NRXN3: variants seen among roughly 807,000 people sequenced by gnomAD.
NRXN3 encodes neurexin 3, also known as neurexin III.
A neutral mutation model predicts 137.6 loss-of-function variants in NRXN3; 32 were observed. The observed-to-expected ratio is 0.23, with a 90% confidence interval of 0.18 to 0.31. NRXN3 has a LOEUF of 0.31. Ranked by LOEUF, NRXN3 falls within the 10% of genes least tolerant of loss-of-function variation. NRXN3 has a pLI of 1.00. For synonymous variants in NRXN3, 798 were observed against 784.5 expected (o/e 1.02, Z -0.29); for missense variants, 1,574 against 2,062.5 (o/e 0.76, Z 4.59).
chr14:78,524,767 C>T (rs762946104), intron 4 of NRXN3, among the ~76,000 whole-genome samples: 1 of 152,090 alleles, frequency 6.6e-6, no homozygotes, highest in Admixed American at 6.5e-5. Context: ...TATTAAGCTC[C>T]CTTTTCAAAA....
intron 1 of NRXN3, among the ~76,000 whole-genome samples, chr14:78,229,478 G>A (rs1040749717): frequency 3.9e-5 from 6 of 152,054 alleles, no homozygotes; most frequent in African/African-American, 4.8e-5. Context: ...TTGGGCTGGC[G>A]ATCTTCACTG....
intron 15 of NRXN3, among the ~76,000 whole-genome samples, chr14:79,354,849 C>A (rs1029341152): frequency 6.6e-6 from 1 of 152,114 alleles, no homozygotes; most frequent in Admixed American, 6.5e-5. Flanking sequence ...TTGCTAAGTG[C>A]CAGAGCTGTA....
At chr14:79,220,840 G>A (rs934716968) in intron 15 of NRXN3, among the ~76,000 whole-genome samples, 1 of 151,928 alleles carries the variant, frequency 6.6e-6, no homozygotes, top group Non-Finnish European at 1.5e-5. Flanking sequence ...GTGCCATGGT[G>A]GTTTGCTGCA....
chr14:78,323,553 C>G (rs935152091), intron 4 of NRXN3, among the ~76,000 whole-genome samples: 1 of 151,992 alleles, frequency 6.6e-6, no homozygotes, highest in Non-Finnish European at 1.5e-5. Flanking sequence ...TTACTATAAA[C>G]AGCATCATCA....
intron 19 of NRXN3, among the ~76,000 whole-genome samples, chr14:79,698,295 T>C (rs868658370): frequency 4.6e-5 from 7 of 152,030 alleles, no homozygotes; most frequent in African/African-American, 1.2e-4. Flanking sequence ...TGTTATCATA[T>C]GAAAAGCTAT....
At chr14:79,379,095 A>G (rs557911391) in intron 15 of NRXN3, among the ~76,000 whole-genome samples, 42 of 152,268 alleles carry the variant, frequency 2.8e-4, no homozygotes, top group Middle Eastern at 6.8e-3. Context: ...GCCTTCTTTA[A>G]AAATGTACCT....
intron 15 of NRXN3, among the ~76,000 whole-genome samples, chr14:79,182,996 A>G (rs1352120287): frequency 2.6e-5 from 4 of 152,198 alleles, no homozygotes; most frequent in Admixed American, 6.5e-5. Context: ...AATCTGGTAC[A>G]TGTTAAAGAG....
At chr14:78,715,168 G>A (rs754020921) in intron 8 of NRXN3, 29 bp downstream of exon 8, 2 of 1,589,228 alleles carry the variant, frequency 1.3e-6, no homozygotes, top group Non-Finnish European at 1.7e-6. Context: ...TGGCAAGTGA[G>A]GGCCTGAGTG....
At chr14:78,186,647 C>T (rs369555003) in intron 1 of NRXN3, among the ~76,000 whole-genome samples, 6 of 152,278 alleles carry the variant, frequency 3.9e-5, no homozygotes, top group South Asian at 4.1e-4. Flanking sequence ...TTGAAATGGA[C>T]GTAGAAGCCT....
rs944316706 is a variant in NRXN3 at position 78,764,096 on chromosome 14, A to C, written c.2045-39524A>C. Among the ~76,000 whole-genome samples the C allele has an allele frequency of 8.0e-4, 122 of 152,318 alleles. 1 individual carries two copies. Among genetic ancestry groups the C allele is most frequent in the African/African-American group, 2.7e-3 (114 of 41,582 alleles). ...TTACCCAAGATCACACAGCCAGTAC[A>C]TGGAAACATTAGGATCTAAACATGA... On this transcript the variant is annotated intron_variant, in intron 8 of 20. Coordinates refer to ENST00000335750, the MANE Select transcript of NRXN3 (RefSeq NM_001330195.2).
chr14:79,552,014 T>A lies in NRXN3; in HGVS notation c.3444+84612T>A, dbSNP rs2097377559. The stretch of plus-strand genomic sequence containing the variant: ...ACAGAGAGCCTTGTAGATCCCTGTA[T>A]ATGGAGTCTTCCTTCCCGTGGTTCA... On this transcript the variant is annotated intron_variant, in intron 16 of 20. Transcript: ENST00000335750. Among the ~76,000 whole-genome samples the A allele has an allele frequency of 2.0e-5, 3 of 152,308 alleles. No homozygotes were observed. In the South Asian group the frequency reaches 6.2e-4, roughly 32 times the overall value.
chr14:79,620,605 G>A (rs555341222), intron 16 of NRXN3, among the ~76,000 whole-genome samples: 1 of 152,230 alleles, frequency 6.6e-6, no homozygotes, highest in East Asian at 1.9e-4. Flanking sequence ...GAGAATTTAT[G>A]CCTGAATGAA....
intron 10 of NRXN3, among the ~76,000 whole-genome samples, chr14:78,861,779 A>G (rs1376441415): frequency 6.6e-6 from 1 of 152,248 alleles, no homozygotes; most frequent in Admixed American, 6.5e-5. Context: ...ACATCCTGTC[A>G]TCAGTAAAAC....
chr14:78,631,888 A>G (rs936031471), intron 4 of NRXN3, among the ~76,000 whole-genome samples: 5 of 151,932 alleles, frequency 3.3e-5, no homozygotes, highest in African/African-American at 1.2e-4. Flanking sequence ...GATCAGGAGG[A>G]TCAGGTCAGG....
At chr14:78,943,152 G>C (rs147844536) in intron 10 of NRXN3, among the ~76,000 whole-genome samples, 143 of 152,268 alleles carry the variant, frequency 9.4e-4, no homozygotes, top group African/African-American at 3.2e-3. Flanking sequence ...GAATCCCAGA[G>C]TTAAGTAATA....
At chr14:79,203,282 C>T (rs2066320939) in intron 15 of NRXN3, among the ~76,000 whole-genome samples, 1 of 152,124 alleles carries the variant, frequency 6.6e-6, no homozygotes, top group South Asian at 2.1e-4. Flanking sequence ...ATTTGTTTAG[C>T]TTTGCAAAAC....
chr14:78,563,711 G>T (rs2096809355), intron 4 of NRXN3, among the ~76,000 whole-genome samples: 1 of 152,172 alleles, frequency 6.6e-6, no homozygotes, highest in Non-Finnish European at 1.5e-5. Flanking sequence ...CAAGAAATAA[G>T]ACCTAGGATT....
intron 10 of NRXN3, among the ~76,000 whole-genome samples, chr14:78,878,124 A>T (rs989472024): frequency 6.6e-6 from 1 of 152,172 alleles, no homozygotes; most frequent in African/African-American, 2.4e-5. Context: ...TCTGGTTAAA[A>T]AAAGGCCTGT....
intron 19 of NRXN3, among the ~76,000 whole-genome samples, chr14:79,793,231 A>G (rs988382113): frequency 2.6e-5 from 4 of 152,048 alleles, no homozygotes; most frequent in Non-Finnish European, 5.9e-5. Context: ...GGAGATCGAG[A>G]CCATCCTGGC....
Sources: gnomAD v4.1 joint callset for allele counts (sites outside exome capture counted in the v4.1 genomes callset) on GRCh38, gnomAD v4.1.1 for gene constraint, MANE v1.5 for transcripts, NCBI Gene and HGNC (gene_info 2026-07-23, HGNC 2026-07-21) for gene names.